Variants in RGS20 observed in about 807,000 individuals in gnomAD.
RGS20 encodes regulator of G protein signaling 20.
A neutral mutation model predicts 33.6 loss-of-function variants in RGS20; 30 were observed. That is an observed-to-expected ratio of 0.89 (90% CI 0.67 to 1.21). RGS20 has a LOEUF of 1.21. Ranked by LOEUF, RGS20 falls within the 50% of genes most tolerant of loss-of-function variation. The pLI, the probability that RGS20 is intolerant of heterozygous loss-of-function variation, is 0.00. For synonymous variants in RGS20, 208 were observed against 197.9 expected (o/e 1.05, Z -0.43); for missense variants, 472 against 502.4 (o/e 0.94, Z 0.58).
intron 2 of RGS20, among the ~76,000 whole-genome samples, chr8:53,885,412 G>C (rs1323591377): frequency 1.3e-5 from 2 of 152,156 alleles, no homozygotes; most frequent in Non-Finnish European, 2.9e-5. Context: ...AGGACATCGA[G>C]ACCATCCTGG....
chr8:53,936,370 C>A (rs1814136132), intron 2 of RGS20, among the ~76,000 whole-genome samples: 1 of 152,174 alleles, frequency 6.6e-6, no homozygotes, highest in Non-Finnish European at 1.5e-5. Flanking sequence ...AGCCCAAAAT[C>A]TCCTTAAGCT....
At position 53,938,971 on chromosome 8, in the gene RGS20, A is replaced by G. The variant is rs1814210816; in HGVS notation, c.511-605A>G. Among the ~76,000 whole-genome samples the G allele has an allele frequency of 4.6e-5, 7 of 152,154 alleles. No homozygotes were observed. In the South Asian group the frequency reaches 1.4e-3, roughly 32 times the overall value. ...CCTGGCTTCCTGGGAATAATTGAGC[A>G]ATTGCTCTGTACCAGGCGGGGTTCT... On this transcript the variant is annotated intron_variant, in intron 2 of 5. Transcript: ENST00000297313.
At chr8:53,955,312 C>T (rs1814836158) in intron 5 of RGS20, among the ~76,000 whole-genome samples, 1 of 151,848 alleles carries the variant, frequency 6.6e-6, no homozygotes, top group Non-Finnish European at 1.5e-5. Context: ...ACACTGTTTA[C>T]AAATATTATA....
intron 2 of RGS20, among the ~76,000 whole-genome samples, chr8:53,930,484 A>G (rs1698823087): frequency 6.6e-6 from 1 of 152,222 alleles, no homozygotes; most frequent in Non-Finnish European, 1.5e-5. Context: ...CTCCCCTGAG[A>G]CCTTGGGACA....
chr8:53,880,958 C>T, intron 2 of RGS20: 1 of 1,572,896 alleles, frequency 6.4e-7, no homozygotes, highest in Non-Finnish European at 8.6e-7. Context: ...TGAGCAATCG[C>T]CGACGTAGAG....
At chr8:53,950,237 T>C (rs1019192640) in intron 4 of RGS20, among the ~76,000 whole-genome samples, 25 of 152,224 alleles carry the variant, frequency 1.6e-4, no homozygotes, top group African/African-American at 6.0e-4. Context: ...TTTAAAAAAA[T>C]TGATGATTGA....
At chr8:53,881,573 T>A (rs1812385330) in intron 2 of RGS20, among the ~76,000 whole-genome samples, 1 of 151,916 alleles carries the variant, frequency 6.6e-6, no homozygotes. Flanking sequence ...CAGAGCCTCC[T>A]GGAATCGTAG....
At chr8:53,943,773 CT>C (rs1814377190) in intron 3 of RGS20, among the ~76,000 whole-genome samples, 1 of 152,070 alleles carries the variant, frequency 6.6e-6, no homozygotes, top group Non-Finnish European at 1.5e-5. Context: ...TTTTCCTCTG[CT>C]TTTTCATACC....
intron 3 of RGS20, among the ~76,000 whole-genome samples, chr8:53,944,653 T>C (rs1040407828): frequency 2.0e-5 from 3 of 152,056 alleles, no homozygotes; most frequent in Non-Finnish European, 4.4e-5. Flanking sequence ...AAGAGAATTA[T>C]AGCTATAACT....
chr8:53,867,830 C>T (rs1381301696), intron 1 of RGS20, among the ~76,000 whole-genome samples: 1 of 152,086 alleles, frequency 6.6e-6, no homozygotes, highest in Non-Finnish European at 1.5e-5. Flanking sequence ...TCAGGTGATT[C>T]TCCTATCTCA....
intron 2 of RGS20, among the ~76,000 whole-genome samples, chr8:53,928,311 C>T (rs1813859631): frequency 6.6e-6 from 1 of 152,166 alleles, no homozygotes; most frequent in African/African-American, 2.4e-5. Flanking sequence ...CACCACCAAA[C>T]ACTCCAACAT....
chr8:53,881,162 GCT>G, intron 2 of RGS20, 78 bp downstream of exon 1: 1 of 1,091,768 alleles, frequency 9.2e-7, no homozygotes. Context: ...AGTGGCCGAG[GCT>G]GGGAGGGGCG....
At chr8:53,945,552 C>T (rs1044010019) in intron 3 of RGS20, among the ~76,000 whole-genome samples, 1 of 152,118 alleles carries the variant, frequency 6.6e-6, no homozygotes, top group Admixed American at 6.5e-5. Context: ...TGTGAGTATA[C>T]TAAAAACCAC....
Position 53,851,981 on chromosome 8 carries a change from C to T in RGS20, c.82C>T (p.Leu28=). 1 of 1,614,172 alleles carries T rather than the reference C, an allele frequency of 6.2e-7. No homozygotes were observed. The highest frequency in any genetic ancestry group is 8.5e-7 in the Non-Finnish European group (1 of 1,180,008). ...GTCTATATGGACACAGTTTCTGCCCCTGTTCAGGGCTCAGAGATATAATAC... is the reference window on the plus strand; with the variant it reads ...GTCTATATGGACACAGTTTCTGCCCTTGTTCAGGGCTCAGAGATATAATAC... Residue 28 remains leucine, a synonymous_variant, in exon 1 of 6, where the codon CTG becomes TTG. Coordinates refer to ENST00000297313, the MANE Select transcript of RGS20 (RefSeq NM_170587.4).
At chr8:53,916,380 C>A (rs1021131965) in intron 2 of RGS20, among the ~76,000 whole-genome samples, 3 of 152,032 alleles carry the variant, frequency 2.0e-5, no homozygotes, top group Non-Finnish European at 2.9e-5. Context: ...TTATCAAATT[C>A]TAGATTTACT....
At chr8:53,890,138 C>T (rs1366614973) in intron 2 of RGS20, among the ~76,000 whole-genome samples, 1 of 152,024 alleles carries the variant, frequency 6.6e-6, no homozygotes, top group African/African-American at 2.4e-5. Context: ...ATTGTCTGAT[C>T]TGTTTTGTTC....
At chr8:53,920,713 C>T (rs1030275067) in intron 2 of RGS20, among the ~76,000 whole-genome samples, 1 of 151,970 alleles carries the variant, frequency 6.6e-6, no homozygotes, top group Non-Finnish European at 1.5e-5. Flanking sequence ...CCTTATATGC[C>T]AATTTTGCTG....
At chr8:53,946,425 AC>A (rs1388616918) in intron 3 of RGS20, 2 of 485,044 alleles carry the variant, frequency 4.1e-6, no homozygotes, top group African/African-American at 4.0e-5. Flanking sequence ...GTATAATTGA[AC>A]ACAATAATTT....
intron 2 of RGS20, among the ~76,000 whole-genome samples, chr8:53,935,095 G>A (rs1055929792): frequency 6.6e-6 from 1 of 152,082 alleles, no homozygotes; most frequent in Non-Finnish European, 1.5e-5. Context: ...AGTATCTCTG[G>A]GACACAGCTA....
Sources: allele counts gnomAD v4.1 joint callset (sites outside exome capture counted in the v4.1 genomes callset), GRCh38; gene constraint gnomAD v4.1.1; transcripts MANE v1.5; gene names NCBI Gene and HGNC (gene_info 2026-07-23, HGNC 2026-07-21).